Variants in TRANK1 observed in about 807,000 individuals in gnomAD.
TRANK1 encodes TPR and ankyrin repeat-containing protein 1.
A neutral mutation model predicts 266.0 loss-of-function variants in TRANK1; 198 were observed. That is an observed-to-expected ratio of 0.74 (90% confidence interval 0.66 to 0.84). The LOEUF (loss-of-function observed/expected upper bound fraction) is 0.84. Among genes scored for constraint, TRANK1 ranks in the 40% least tolerant of loss-of-function variants. The pLI is 0.00. For missense variants in TRANK1, 3,326 were observed against 3,634.6 expected, an observed-to-expected ratio of 0.92 and a Z score of 2.18; for synonymous variants, 1,396 against 1,384.1, an observed-to-expected ratio of 1.01 and a Z score of -0.19.
intron 1 of TRANK1, among the ~76,000 whole-genome samples, chr3:36,911,171 C>T (rs1460533109): frequency 1.3e-5 from 2 of 151,992 alleles, no homozygotes; most frequent in African/African-American, 2.4e-5. Context: ...TGTAAAAGAA[C>T]ATTTAATGAC....
At chr3:36,858,433 C>A (rs2079089708) in intron 12 of TRANK1, among the ~76,000 whole-genome samples, 2 of 152,278 alleles carry the variant, frequency 1.3e-5, no homozygotes, top group Middle Eastern at 3.4e-3. Flanking sequence ...CATACGCAGA[C>A]CCTTGAAAAT....
intron 17 of TRANK1, among the ~76,000 whole-genome samples, chr3:36,844,665 T>A (rs143182603): frequency 6.6e-6 from 1 of 152,364 alleles, no homozygotes; most frequent in East Asian, 1.9e-4. Flanking sequence ...AACAAGGTCA[T>A]GTCATTACAC....
In TRANK1 at chr3:36,886,254, C is replaced by A. The variant is rs2079604444; in HGVS notation, c.907+3575G>T. ...AGTTCAAGCGATTCTCCTGCCTCAGCCTCCCAAGTAACTGGGACTACAGGT... is the reference window on the plus strand; with the variant it reads ...AGTTCAAGCGATTCTCCTGCCTCAGACTCCCAAGTAACTGGGACTACAGGT... On this transcript the variant is annotated intron_variant, in intron 8 of 23. Coordinates refer to ENST00000645898, the MANE Select transcript of TRANK1 (RefSeq NM_001329998.2). 1.3e-5 allele frequency among the ~76,000 whole-genome samples: 2 copies of A among 151,492 alleles called. 1 individual carries two copies. Among genetic ancestry groups the A allele is most frequent in the South Asian group, 4.2e-4 (2 of 4,792 alleles).
intron 15 of TRANK1, chr3:36,851,194 C>T: frequency 1.0e-6 from 1 of 985,760 alleles, no homozygotes; most frequent in Non-Finnish European, 1.2e-6. Flanking sequence ...GAGCTGCAAG[C>T]AGTGGTAGTG....
chr3:36,917,440 C>A, intron 1 of TRANK1, among the ~76,000 whole-genome samples: 1 of 152,042 alleles, frequency 6.6e-6, no homozygotes, highest in East Asian at 1.9e-4. Context: ...GCAACAACAG[C>A]AGGGGAAGGA....
intron 23 of TRANK1, 120 bp downstream of exon 23, chr3:36,829,444 A>G: frequency 2.3e-6 from 2 of 864,054 alleles, no homozygotes; most frequent in East Asian, 2.6e-5. Flanking sequence ...GCTCCTAGAC[A>G]GTGAGAGTCC....
chr3:36,846,293 T>C lies in TRANK1; in HGVS notation c.5146A>G (p.Ile1716Val), dbSNP rs1474733317. The C allele has an allele frequency of 6.2e-7, 1 of 1,611,202 alleles. No individual in the cohort carries two copies. The highest frequency in any genetic ancestry group is 1.7e-5 in the Admixed American group (1 of 59,590). Residue 1716 changes from isoleucine (I) to valine (V), a missense_variant, in exon 17 of 24, where the codon ATT becomes GTT. By Grantham distance (29) the Ile-to-Val change is conservative. Transcript: ENST00000645898. ...EKRAPAFKYF[I>V]RRDFVQVVKT... ...ACAACTTGGACAAAATCTCTTCTAA[T>C]GAAATATTTGAATGCGGGAGCCCGT... is the stretch of plus-strand genomic sequence containing the variant.
At chr3:36,942,285 CAG>C (rs2080506557) in intron 1 of TRANK1, among the ~76,000 whole-genome samples, 1 of 151,994 alleles carries the variant, frequency 6.6e-6, no homozygotes. Flanking sequence ...TGTCTAATCC[CAG>C]ATCTAACACT....
Position 36,939,205 on chromosome 3 carries a change from G to A in TRANK1, c.23+5582C>T, listed in dbSNP as rs189582140. 4.0e-5 allele frequency among the ~76,000 whole-genome samples: 6 copies of A among 150,856 alleles called. No homozygotes were observed. In the East Asian group the frequency reaches 1.2e-3, roughly 29 times the overall value. ...ACAGGCACACAAACATATTTTCCAT[G>A]GCCTCTACCCTCATGTAGAATAAAG... On this transcript the variant is annotated intron_variant, in intron 1 of 23. Coordinates refer to ENST00000645898, the MANE Select transcript of TRANK1 (RefSeq NM_001329998.2).
chr3:36,852,664 G>T (rs1182550563), intron 13 of TRANK1, among the ~76,000 whole-genome samples: 1 of 151,622 alleles, frequency 6.6e-6, no homozygotes, highest in Non-Finnish European at 1.5e-5. Flanking sequence ...TGAGACCTCA[G>T]GAGGCTGAGG....
At chr3:36,936,284 A>C (rs2080424330) in intron 1 of TRANK1, among the ~76,000 whole-genome samples, 2 of 152,134 alleles carry the variant, frequency 1.3e-5, no homozygotes, top group Admixed American at 1.3e-4. Flanking sequence ...CAGGAATTCA[A>C]TACCAGCCTG....
At chr3:36,870,822 T>C (rs2079296526) in intron 9 of TRANK1, among the ~76,000 whole-genome samples, 1 of 151,948 alleles carries the variant, frequency 6.6e-6, no homozygotes, top group Non-Finnish European at 1.5e-5. Flanking sequence ...TTCTACTGAG[T>C]CTCTTCTCTT....
intron 1 of TRANK1, 59 bp downstream of exon 1, chr3:36,944,728 G>C: frequency 6.7e-7 from 1 of 1,494,986 alleles, no homozygotes; most frequent in Non-Finnish European, 8.9e-7. Context: ...CTCCCGCCAG[G>C]AAGGGTGGCG....
Position 36,855,635 on chromosome 3 carries a change from A to G in TRANK1, c.4087T>C (p.Cys1363Arg). Residue 1363 changes from cysteine (C) to arginine (R), a missense_variant, in exon 13 of 24, where the codon TGT (cysteine) becomes CGT (arginine). Transcript: ENST00000645898. ...FLKGSFEALS[C>R]PHGRLTEEVY... is the part of the protein sequence containing the mutation. ...TCTTCAGTGAGTCTCCCATGGGGAC[A>G]GCTGAGGGCCTCAAAAGAACCCTTT... is the stretch of plus-strand genomic sequence containing the variant. 1 of 1,613,932 alleles carries G rather than the reference A, an allele frequency of 6.2e-7. No homozygotes were observed. The highest frequency in any genetic ancestry group is 8.5e-7 in the Non-Finnish European group (1 of 1,179,866).
At chr3:36,891,034 C>T (rs1163165471) in intron 7 of TRANK1, among the ~76,000 whole-genome samples, 1 of 152,200 alleles carries the variant, frequency 6.6e-6, no homozygotes, top group East Asian at 1.9e-4. Flanking sequence ...CTACCAATCT[C>T]TGTGTAAGAA....
intron 1 of TRANK1, among the ~76,000 whole-genome samples, chr3:36,941,069 A>G (rs2080490160): frequency 6.6e-6 from 1 of 152,164 alleles, no homozygotes; most frequent in Non-Finnish European, 1.5e-5. Context: ...AGCCCATCCA[A>G]TGTCAAGGCT....
intron 4 of TRANK1, among the ~76,000 whole-genome samples, chr3:36,898,693 T>C (rs2079830344): frequency 6.6e-6 from 1 of 151,544 alleles, no homozygotes; most frequent in Non-Finnish European, 1.5e-5. Flanking sequence ...CTACTAAAAA[T>C]ACAAAAAACT....
chr3:36,884,922 ACT>A (rs1207206723), intron 8 of TRANK1, among the ~76,000 whole-genome samples: 96 of 140,466 alleles, frequency 6.8e-4, no homozygotes, highest in African/African-American at 2.6e-3. Flanking sequence ...ACAGAGCAAG[ACT>A]CTGTCTCAGA....
chr3:36,856,563 C>G lies in TRANK1; in HGVS notation c.3159G>C (p.Arg1053=), dbSNP rs752798320. Residue 1053 remains arginine, a synonymous_variant, in exon 13 of 24, where the codon CGG becomes CGC. Transcript: ENST00000645898. Reference sequence around the variant, plus strand: ...TCACCGCGTACTCAAGCTCACCCACCCGGAAGGGGTACTCCACTGTGGCTG... The same window carrying G: ...TCACCGCGTACTCAAGCTCACCCACGCGGAAGGGGTACTCCACTGTGGCTG... The part of the protein sequence containing the change: ...DTTATVEYPF[R]VGELEYAVID... 6.2e-7 allele frequency: 1 copy of G among 1,613,988 alleles called. No homozygotes were observed. The highest frequency in any genetic ancestry group is 8.5e-7 in the Non-Finnish European group (1 of 1,179,892).
Sources: gnomAD v4.1 joint callset for allele counts (sites outside exome capture counted in the v4.1 genomes callset) on GRCh38, gnomAD v4.1.1 for gene constraint, MANE v1.5 for transcripts, NCBI Gene and HGNC (gene_info 2026-07-23, HGNC 2026-07-21) for gene names.